The following ADAMTSL1 variants were observed in gnomAD, a reference collection of about 807,000 sequenced individuals.
ADAMTSL1 encodes ADAMTS-like protein 1.
ADAMTSL1 carries 126 observed loss-of-function variants against 201.8 expected under a neutral mutation model. The ratio of observed to expected loss-of-function variants is 0.62; its 90% CI spans 0.54 to 0.72. The LOEUF is 0.72. Ranked by LOEUF, ADAMTSL1 falls within the 30% of genes least tolerant of loss-of-function variation. ADAMTSL1 has a pLI of 0.00. For missense variants in ADAMTSL1, 2,679 were observed against 2,277.8 expected (o/e 1.18, Z -3.59); for synonymous variants, 1,121 against 903.4 (o/e 1.24, Z -4.32).
intron 2 of ADAMTSL1, among the ~76,000 whole-genome samples, chr9:18,464,692 C>A (rs537888510): frequency 6.6e-6 from 1 of 152,156 alleles, no homozygotes; most frequent in African/African-American, 2.4e-5. Context: ...GGTTCATAGC[C>A]AATTTCCTTT....
intron 14 of ADAMTSL1, among the ~76,000 whole-genome samples, chr9:18,717,438 T>C (rs1217106164): frequency 6.6e-6 from 1 of 152,052 alleles, no homozygotes; most frequent in Non-Finnish European, 1.5e-5. Context: ...TTAAAAACTA[T>C]ATAGCTGTAT....
chr9:18,106,555 A>C (rs1280136108), intron 1 of ADAMTSL1, among the ~76,000 whole-genome samples: 1 of 152,354 alleles, frequency 6.6e-6, no homozygotes, highest in Non-Finnish European at 1.5e-5. Flanking sequence ...AGACAGCCCG[A>C]GTTTAAGATC....
chr9:18,522,441 T>A (rs1343146567), intron 2 of ADAMTSL1, among the ~76,000 whole-genome samples: 2 of 152,094 alleles, frequency 1.3e-5, no homozygotes, highest in African/African-American at 4.8e-5. Flanking sequence ...ATGTAGAATT[T>A]TTATTTTATT....
intron 1 of ADAMTSL1, among the ~76,000 whole-genome samples, chr9:18,056,960 C>A (rs1042511159): frequency 1.3e-5 from 2 of 152,184 alleles, no homozygotes; most frequent in Non-Finnish European, 2.9e-5. Flanking sequence ...ACCAGACAAA[C>A]CACTACTGCA....
At chr9:18,287,383 A>G (rs1274154876) in intron 2 of ADAMTSL1, among the ~76,000 whole-genome samples, 1 of 151,932 alleles carries the variant, frequency 6.6e-6, no homozygotes, top group Non-Finnish European at 1.5e-5. Flanking sequence ...ACATGTATAT[A>G]TGTGTGTATA....
chr9:18,493,014 A>G (rs73421016), intron 1 of ADAMTSL1, among the ~76,000 whole-genome samples: 27 of 152,304 alleles, frequency 1.8e-4, no homozygotes, highest in African/African-American at 6.3e-4. Flanking sequence ...ATTGAACATT[A>G]AACTCTGTAT....
intron 1 of ADAMTSL1, among the ~76,000 whole-genome samples, chr9:17,949,927 C>CA (rs1473006023): frequency 6.6e-6 from 1 of 151,162 alleles, no homozygotes; most frequent in African/African-American, 2.4e-5. Context: ...TACCGTAGTG[C>CA]TTTTTTTTTG....
At chr9:18,446,613 C>A (rs1745604857) in intron 2 of ADAMTSL1, among the ~76,000 whole-genome samples, 1 of 152,214 alleles carries the variant, frequency 6.6e-6, no homozygotes, top group African/African-American at 2.4e-5. Context: ...CCAAATCAAT[C>A]TTTTAAAGCA....
At chr9:18,858,569 A>G (rs1827012995) in intron 23 of ADAMTSL1, among the ~76,000 whole-genome samples, 8 of 152,248 alleles carry the variant, frequency 5.3e-5, no homozygotes, top group Admixed American at 5.2e-4. Flanking sequence ...TTCCAGGCTT[A>G]GAAGCTAGTC....
chr9:18,826,567 G>A (rs927542225), intron 22 of ADAMTSL1, 104 bp downstream of exon 22: 3 of 1,362,532 alleles, frequency 2.2e-6, no homozygotes, highest in Non-Finnish European at 2.0e-6. Flanking sequence ...GGACATAAAA[G>A]GTAAAATTGA....
At chr9:18,334,675 C>G (rs983648703) in intron 2 of ADAMTSL1, among the ~76,000 whole-genome samples, 1 of 152,114 alleles carries the variant, frequency 6.6e-6, no homozygotes. Flanking sequence ...ACATGGTAGA[C>G]AGAATAATCT....
chr9:18,274,119 T>A (rs1056903783), intron 2 of ADAMTSL1, among the ~76,000 whole-genome samples: 15 of 152,244 alleles, frequency 9.9e-5, no homozygotes, highest in African/African-American at 3.6e-4. Flanking sequence ...CTCTCACTTG[T>A]ATTGCAAAAG....
At chr9:18,509,858 A>T (rs76848536) in intron 2 of ADAMTSL1, among the ~76,000 whole-genome samples, 3,067 of 152,282 alleles carry the variant, frequency 0.02, 38 homozygotes, top group Middle Eastern at 0.034. Flanking sequence ...ATAGTCTTCT[A>T]TGGCTTTCTT....
chr9:18,809,623 C>G (rs1426587122), intron 20 of ADAMTSL1, among the ~76,000 whole-genome samples: 1 of 152,050 alleles, frequency 6.6e-6, no homozygotes, highest in Non-Finnish European at 1.5e-5. Flanking sequence ...AACTCCGTTT[C>G]TATTAAAAAT....
intron 1 of ADAMTSL1, among the ~76,000 whole-genome samples, chr9:17,962,080 T>C (rs780736080): frequency 4.6e-5 from 7 of 152,228 alleles, no homozygotes; most frequent in Non-Finnish European, 8.8e-5. Flanking sequence ...ACAACATAGC[T>C]AGAGGTTGAG....
intron 2 of ADAMTSL1, among the ~76,000 whole-genome samples, chr9:18,287,938 A>G (rs1833084176): frequency 6.6e-6 from 1 of 152,164 alleles, no homozygotes. Flanking sequence ...CAGCTTAGCA[A>G]ATTAAAATGT....
rs929438926 is a variant in ADAMTSL1 at position 18,237,466 on chromosome 9, G to A, written c.207+73485G>A. On this transcript the variant is annotated intron_variant, in intron 2 of 29. Coordinates refer to the ADAMTSL1 transcript ENST00000680146. ...TCTCCTGTTTACCTTGTTGCTTTTG[G>A]CATTTTGAGAAGTGTTTTTGTCTTC... Among the ~76,000 whole-genome samples the A allele has an allele frequency of 3.9e-5, 6 of 152,058 alleles. No individual in the cohort carries two copies. In the East Asian group the frequency reaches 5.8e-4, roughly 15 times the overall value.
intron 2 of ADAMTSL1, among the ~76,000 whole-genome samples, chr9:18,371,746 G>A (rs1837051400): frequency 6.6e-6 from 1 of 152,196 alleles, no homozygotes; most frequent in Admixed American, 6.5e-5. Context: ...TGGGCATTAG[G>A]ATGTGAGGAG....
chr9:18,227,212 C>T (rs762503455), intron 2 of ADAMTSL1, among the ~76,000 whole-genome samples: 38 of 152,076 alleles, frequency 2.5e-4, no homozygotes, highest in Non-Finnish European at 5.4e-4. Flanking sequence ...CATGCTAAAT[C>T]GCTTATGTTC....
Sources: gnomAD v4.1 joint callset for allele counts (sites outside exome capture counted in the v4.1 genomes callset) on GRCh38, gnomAD v4.1.1 for gene constraint, MANE v1.5 for transcripts, NCBI Gene and HGNC (gene_info 2026-07-23, HGNC 2026-07-21) for gene names.